GRID1: variants seen among roughly 807,000 people sequenced by gnomAD.
The protein encoded by GRID1 is glutamate receptor ionotropic, delta-1.
A neutral mutation model predicts 98.0 loss-of-function variants in GRID1; 28 were observed. That is an observed-to-expected ratio of 0.29 (90% CI 0.21 to 0.39). The LOEUF (loss-of-function observed/expected upper bound fraction) is 0.39. Among genes scored for constraint, GRID1 ranks in the 10% least tolerant of loss-of-function variants. GRID1 has a pLI of 1.00. For missense variants in GRID1, 1,111 were observed against 1,340.5 expected (o/e 0.83, Z 2.67); for synonymous variants, 553 against 538.5 (o/e 1.03, Z -0.37).
At chr10:85,887,110 T>C (rs1252361635) in intron 5 of GRID1, among the ~76,000 whole-genome samples, 4 of 152,188 alleles carry the variant, frequency 2.6e-5, no homozygotes, top group Non-Finnish European at 5.9e-5. Flanking sequence ...AATAAAAGAA[T>C]TCAATAAAGA....
chr10:86,236,812 G>T (rs570583000), intron 2 of GRID1, among the ~76,000 whole-genome samples: 3 of 152,308 alleles, frequency 2.0e-5, no homozygotes, highest in Admixed American at 6.5e-5. Context: ...GGCAAATCCT[G>T]GGTGCCAGGG....
chr10:86,096,549 C>T (rs1003067001), intron 4 of GRID1, among the ~76,000 whole-genome samples: 1 of 152,214 alleles, frequency 6.6e-6, no homozygotes, highest in Non-Finnish European at 1.5e-5. Flanking sequence ...TGCCTGCACA[C>T]AATGCTTCTG....
At chr10:85,719,196 A>G (rs1183419225) in intron 12 of GRID1, among the ~76,000 whole-genome samples, 3 of 152,152 alleles carry the variant, frequency 2.0e-5, no homozygotes, top group African/African-American at 7.2e-5. Context: ...TTGTTTCACT[A>G]TCAGCATTTT....
chr10:85,812,730 T>TTCTCTC (rs3028889), intron 8 of GRID1, among the ~76,000 whole-genome samples: 5 of 147,996 alleles, frequency 3.4e-5, no homozygotes, highest in Non-Finnish European at 6.0e-5. Flanking sequence ...CAAACAGAAG[T>TTCTCTC]TCTCTCTCTC....
intron 13 of GRID1, among the ~76,000 whole-genome samples, chr10:85,631,837 T>G (rs892367239): frequency 2.0e-5 from 3 of 152,098 alleles, no homozygotes; most frequent in African/African-American, 7.2e-5. Context: ...GAATACAGAA[T>G]GAAGAATGCC....
chr10:86,020,756 G>A (rs1429259070), intron 4 of GRID1, among the ~76,000 whole-genome samples: 2 of 152,316 alleles, frequency 1.3e-5, no homozygotes, highest in African/African-American at 2.4e-5. Flanking sequence ...GGCCCCACAG[G>A]ATAAGGCCTC....
chr10:86,301,571 T>C (rs1847687914), intron 2 of GRID1, among the ~76,000 whole-genome samples: 1 of 152,206 alleles, frequency 6.6e-6, no homozygotes. Context: ...AGATGGACCC[T>C]TGGCCACAAG....
chr10:85,708,128 A>C (rs1417977467), intron 12 of GRID1, among the ~76,000 whole-genome samples: 3 of 113,638 alleles, frequency 2.6e-5, no homozygotes, highest in Admixed American at 9.5e-5. Context: ...AAAAAAAAAA[A>C]AAACACAAGA....
chr10:85,666,911 C>T (rs1363249516), intron 12 of GRID1, among the ~76,000 whole-genome samples: 1 of 152,182 alleles, frequency 6.6e-6, no homozygotes, highest in East Asian at 1.9e-4. Flanking sequence ...GGCCTTTCTC[C>T]CACCTGTCAT....
At chr10:86,057,151 AG>A (rs1843586402) in intron 4 of GRID1, among the ~76,000 whole-genome samples, 1 of 152,172 alleles carries the variant, frequency 6.6e-6, no homozygotes, top group Non-Finnish European at 1.5e-5. Context: ...GCCCACAGAG[AG>A]GGCAACTAAT....
chr10:86,354,683 C>G (rs1281009582), intron 2 of GRID1, among the ~76,000 whole-genome samples: 1 of 152,196 alleles, frequency 6.6e-6, no homozygotes, highest in African/African-American at 2.4e-5. Context: ...CCCTTTCCAC[C>G]AAATAGAGCA....
At chr10:85,778,554 C>T in intron 8 of GRID1, among the ~76,000 whole-genome samples, 1 of 152,148 alleles carries the variant, frequency 6.6e-6, no homozygotes, top group African/African-American at 2.4e-5. Context: ...AACTCACTTT[C>T]TAGTGCATGG....
chr10:85,810,932 T>A (rs1842665851), intron 8 of GRID1, among the ~76,000 whole-genome samples: 1 of 152,016 alleles, frequency 6.6e-6, no homozygotes, highest in Non-Finnish European at 1.5e-5. Flanking sequence ...AGCTGACTCA[T>A]CCTGAGCACC....
At chr10:85,835,389 G>A (rs1842903671) in intron 8 of GRID1, among the ~76,000 whole-genome samples, 1 of 152,178 alleles carries the variant, frequency 6.6e-6, no homozygotes, top group Non-Finnish European at 1.5e-5. Context: ...GGGGCCAGGT[G>A]AAGATAATTG....
chr10:86,061,288 A>C (rs1843645067), intron 4 of GRID1, among the ~76,000 whole-genome samples: 1 of 152,124 alleles, frequency 6.6e-6, no homozygotes, highest in Admixed American at 6.5e-5. Context: ...CTATAGTTCC[A>C]CGTCTGCAGG....
chr10:86,173,567 T>C (rs1845525733), intron 3 of GRID1, among the ~76,000 whole-genome samples: 2 of 95,856 alleles, frequency 2.1e-5, no homozygotes, highest in Admixed American at 1.3e-4. Context: ...AGTCTTCTTT[T>C]CTTTTTTTTT....
At chr10:86,016,029 T>C (rs1305857014) in intron 4 of GRID1, among the ~76,000 whole-genome samples, 1 of 151,988 alleles carries the variant, frequency 6.6e-6, no homozygotes, top group Non-Finnish European at 1.5e-5. Context: ...CCGAGCATTA[T>C]GTCTGGACTT....
At chr10:85,936,464 A>G (rs1433902646) in intron 4 of GRID1, among the ~76,000 whole-genome samples, 1 of 152,018 alleles carries the variant, frequency 6.6e-6, no homozygotes, top group Non-Finnish European at 1.5e-5. Flanking sequence ...ATGTTGTTCT[A>G]TGTCCCTTAT....
chr10:86,356,158 A>G (rs1172186508), intron 2 of GRID1, among the ~76,000 whole-genome samples: 1 of 152,178 alleles, frequency 6.6e-6, no homozygotes, highest in African/African-American at 2.4e-5. Flanking sequence ...CTGGGGACCC[A>G]GGCTTCCTAA....
Sources: allele counts gnomAD v4.1 joint callset (sites outside exome capture counted in the v4.1 genomes callset), GRCh38; gene constraint gnomAD v4.1.1; transcripts MANE v1.5; gene names NCBI Gene and HGNC (gene_info 2026-07-23, HGNC 2026-07-21).